Variants in TTC17 observed in about 807,000 individuals in gnomAD.
The protein encoded by TTC17 is tetratricopeptide repeat domain 17.
TTC17 carries 58 observed loss-of-function variants against 143.8 expected under a neutral mutation model. That is an observed-to-expected ratio of 0.40 (90% CI 0.33 to 0.50). The LOEUF is 0.50. TTC17 is among the 20% of genes least tolerant of loss of function. TTC17 has a pLI of 0.49. For missense variants in TTC17, 1,273 were observed against 1,392.5 expected (o/e 0.91, Z 1.37); for synonymous variants, 501 against 497.8 (o/e 1.01, Z -0.09).
intron 5 of TTC17, among the ~76,000 whole-genome samples, chr11:43,392,969 C>T (rs1345515757): frequency 2.6e-5 from 4 of 152,190 alleles, no homozygotes; most frequent in Admixed American, 6.5e-5. Context: ...GCATTCTAAG[C>T]CACAGCAAAG....
intron 16 of TTC17, among the ~76,000 whole-genome samples, chr11:43,425,263 G>A (rs1210523604): frequency 6.6e-6 from 1 of 152,026 alleles, no homozygotes; most frequent in Non-Finnish European, 1.5e-5. Flanking sequence ...AAGCTAGGGT[G>A]CACCCTGATC....
At chr11:43,421,355 T>G (rs903165145) in intron 16 of TTC17, among the ~76,000 whole-genome samples, 3 of 152,124 alleles carry the variant, frequency 2.0e-5, no homozygotes, top group Non-Finnish European at 4.4e-5. Context: ...AAAGCAGAGA[T>G]AAATATGGTG....
At chr11:43,482,466 A>C (rs1948305544) in intron 21 of TTC17, among the ~76,000 whole-genome samples, 1 of 152,008 alleles carries the variant, frequency 6.6e-6, no homozygotes, top group African/African-American at 2.4e-5. Context: ...TATGATATTT[A>C]GTTTCCAACT....
intron 15 of TTC17, among the ~76,000 whole-genome samples, chr11:43,412,321 A>T (rs1202253961): frequency 6.6e-6 from 1 of 152,112 alleles, no homozygotes; most frequent in Non-Finnish European, 1.5e-5. Context: ...CACTCTCTAC[A>T]AAAAAAGTCA....
chr11:43,393,327 G>A (rs546516583), intron 5 of TTC17, among the ~76,000 whole-genome samples: 3 of 152,186 alleles, frequency 2.0e-5, no homozygotes, highest in Non-Finnish European at 4.4e-5. Context: ...AACAGCTCAC[G>A]GAAGTCAGGA....
rs551723221 is a variant in TTC17, at chr11:43,405,452, T to C, written c.1480-62T>C. 6.6e-6 allele frequency: 8 copies of C among 1,221,012 alleles called. No homozygotes were observed. The East Asian group carries it at 1.9e-4, about 28-fold the overall frequency. The allele number at this position is 1,221,012 out of a possible 1,614,324, so 75.6% of individuals were successfully genotyped here. On this transcript the variant is annotated intron_variant, in intron 11 of 23. Coordinates refer to ENST00000039989, the MANE Select transcript of TTC17 (RefSeq NM_018259.6). The stretch of plus-strand genomic sequence containing the variant: ...ATTGTAGTATATCATTTTAAAAGTT[T>C]ATTTAGCATATTGAAATATTGAATC...
intron 21 of TTC17, among the ~76,000 whole-genome samples, chr11:43,467,587 G>A (rs912946154): frequency 6.6e-6 from 1 of 152,156 alleles, no homozygotes; most frequent in East Asian, 1.9e-4. Flanking sequence ...CTGAAGGTTG[G>A]TTACATGATG....
At chr11:43,482,229 T>A (rs1488178835) in intron 21 of TTC17, among the ~76,000 whole-genome samples, 1 of 151,102 alleles carries the variant, frequency 6.6e-6, no homozygotes, top group Non-Finnish European at 1.5e-5. Context: ...TAGGATTTAA[T>A]TTGCTTTTCA....
intron 16 of TTC17, chr11:43,436,048 T>C: frequency 1.1e-6 from 1 of 901,102 alleles, no homozygotes; most frequent in Non-Finnish European, 1.5e-6. Flanking sequence ...TGTGTTCTGC[T>C]GAAGAAAAAC....
intron 1 of TTC17, among the ~76,000 whole-genome samples, chr11:43,378,660 A>G (rs916733197): frequency 6.6e-6 from 1 of 152,250 alleles, no homozygotes; most frequent in Non-Finnish European, 1.5e-5. Context: ...ATGAGAACAC[A>G]TTTATAAGCC....
At chr11:43,394,261 A>G (rs1796057077) in intron 5 of TTC17, among the ~76,000 whole-genome samples, 2 of 152,224 alleles carry the variant, frequency 1.3e-5, no homozygotes, top group Admixed American at 1.3e-4. Flanking sequence ...CAGATTATGT[A>G]AGGGTCTGAA....
intron 21 of TTC17, among the ~76,000 whole-genome samples, chr11:43,478,267 A>C (rs1948221396): frequency 6.6e-6 from 1 of 152,202 alleles, no homozygotes; most frequent in Admixed American, 6.5e-5. Flanking sequence ...AGCCAATTAA[A>C]ATGTATGGCG....
At chr11:43,449,978 C>CTGATTGTTAATGCTGTCTCTCCT in intron 19 of TTC17, 104 bp from the exon 20 acceptor site, 2 of 1,286,434 alleles carry the variant, frequency 1.6e-6, no homozygotes, top group Non-Finnish European at 1.1e-6. Context: ...CTATGATGAG[C>CTGATTGTTAATGCTGTCTCTCCT]TGATTGTTAA....
At chr11:43,434,138 C>T (rs1947224402) in intron 16 of TTC17, among the ~76,000 whole-genome samples, 1 of 150,000 alleles carries the variant, frequency 6.7e-6, no homozygotes, top group Admixed American at 6.7e-5. Flanking sequence ...TTGCTCATGG[C>T]TTCTTTCCCA....
intron 2 of TTC17, among the ~76,000 whole-genome samples, chr11:43,381,341 G>A (rs954164856): frequency 2.6e-5 from 4 of 152,168 alleles, no homozygotes; most frequent in Non-Finnish European, 5.9e-5. Flanking sequence ...GCACTAAATT[G>A]GGAATGTGGC....
At chr11:43,406,616 T>C (rs567884701) in intron 13 of TTC17, among the ~76,000 whole-genome samples, 2 of 152,282 alleles carry the variant, frequency 1.3e-5, no homozygotes, top group African/African-American at 2.4e-5. Flanking sequence ...CTGTTACTTA[T>C]ATTCAATAGA....
At chr11:43,367,484 G>A (rs1413558947) in intron 1 of TTC17, among the ~76,000 whole-genome samples, 1 of 152,150 alleles carries the variant, frequency 6.6e-6, no homozygotes, top group Non-Finnish European at 1.5e-5. Context: ...CTGTTGAGGA[G>A]GGATTAGAAC....
intron 21 of TTC17, among the ~76,000 whole-genome samples, chr11:43,481,151 T>C (rs72901001): frequency 0.093 from 14,081 of 152,198 alleles, 804 homozygotes; most frequent in Middle Eastern, 0.16. Flanking sequence ...AATGATAAAA[T>C]GTTTCATTCA....
At chr11:43,386,361 G>A (rs1590336360) in intron 2 of TTC17, among the ~76,000 whole-genome samples, 1 of 152,196 alleles carries the variant, frequency 6.6e-6, no homozygotes, top group East Asian at 1.9e-4. Context: ...GATAAAGCCT[G>A]TATAACATGT....
Sources: allele counts gnomAD v4.1 joint callset (sites outside exome capture counted in the v4.1 genomes callset), GRCh38; gene constraint gnomAD v4.1.1; transcripts MANE v1.5; gene names NCBI Gene and HGNC (gene_info 2026-07-23, HGNC 2026-07-21).